BRINP1: variants seen among roughly 807,000 people sequenced by gnomAD.
BRINP1 encodes BMP/retinoic acid inducible neural specific 1, also known as BMP/retinoic acid-inducible neural-specific protein 1.
Under a neutral mutation model 72.9 loss-of-function variants are expected in BRINP1, and 17 were observed. That is an observed-to-expected ratio of 0.23 (90% CI 0.16 to 0.35). BRINP1 has a LOEUF of 0.35. BRINP1 is among the 10% of genes least tolerant of loss of function. The pLI is 1.00. For missense variants in BRINP1, 850 were observed against 1,001.6 expected, an observed-to-expected ratio of 0.85 and a Z score of 2.04; for synonymous variants, 418 against 378.5, an observed-to-expected ratio of 1.10 and a Z score of -1.21.
chr9:119,177,960 G>A (rs150019054), intron 7 of BRINP1, among the ~76,000 whole-genome samples: 127 of 152,280 alleles, frequency 8.3e-4, no homozygotes, highest in African/African-American at 2.9e-3. Context: ...GGGAGCACGA[G>A]GCTGAGGGAA....
Position 119,368,657 on chromosome 9 carries a change from C to T in BRINP1, c.-51+399G>A, listed in dbSNP as rs1050660797. 6.6e-6 allele frequency among the ~76,000 whole-genome samples: 1 copy of T among 152,032 alleles called. No individual in the cohort carries two copies. Among genetic ancestry groups the T allele is most frequent in the African/African-American group, 2.4e-5 (1 of 41,398 alleles). On this transcript the variant is annotated intron_variant, in intron 1 of 7. Coordinates refer to ENST00000265922, the MANE Select transcript of BRINP1 (RefSeq NM_014618.3). This position sits in a 1 kb window ranked among gnomAD's most constrained non-coding sequence, Gnocchi z 4.7. ...TACGTACAAACATGCACACACACAT[C>T]GCGCCGTAAGTAGGTTATAGGACCT... is the stretch of plus-strand genomic sequence containing the variant.
At chr9:119,168,984 A>G (rs1829363368) in intron 7 of BRINP1, among the ~76,000 whole-genome samples, 1 of 152,232 alleles carries the variant, frequency 6.6e-6, no homozygotes, top group Non-Finnish European at 1.5e-5. Flanking sequence ...ATTATTGGGT[A>G]TATACCCAAA....
At chr9:119,173,138 T>C (rs1217232877) in intron 7 of BRINP1, among the ~76,000 whole-genome samples, 13 of 146,764 alleles carry the variant, frequency 8.9e-5, no homozygotes, top group African/African-American at 2.6e-4. Context: ...CCAGGGCAAT[T>C]AGGCAGGAGA....
chr9:119,250,383 C>A (rs1429418267), intron 2 of BRINP1, among the ~76,000 whole-genome samples: 3 of 152,160 alleles, frequency 2.0e-5, no homozygotes, highest in Admixed American at 2.0e-4. Context: ...GAGGATCTCA[C>A]AACCAAACGA....
At chr9:119,292,797 T>C (rs1830834891) in intron 2 of BRINP1, among the ~76,000 whole-genome samples, 1 of 152,198 alleles carries the variant, frequency 6.6e-6, no homozygotes, top group South Asian at 2.1e-4. Flanking sequence ...TGAGGGTTTT[T>C]TGTTGCTGTT....
chr9:119,266,427 A>G (rs1212519441), intron 2 of BRINP1, among the ~76,000 whole-genome samples: 5 of 152,250 alleles, frequency 3.3e-5, no homozygotes, highest in Admixed American at 3.3e-4. Flanking sequence ...AAGTGACGTT[A>G]CGATTATTTA....
intron 2 of BRINP1, among the ~76,000 whole-genome samples, chr9:119,292,841 G>A (rs890117169): frequency 7.2e-5 from 11 of 152,130 alleles, no homozygotes; most frequent in East Asian, 3.9e-4. Flanking sequence ...ATTTTACAGC[G>A]GTGACTAGAT....
At chr9:119,239,768 C>T (rs1329329673) in intron 4 of BRINP1, among the ~76,000 whole-genome samples, 2 of 152,084 alleles carry the variant, frequency 1.3e-5, no homozygotes, top group Admixed American at 6.5e-5. Flanking sequence ...GGGTTTAGCA[C>T]TTCGGGTGCA....
At chr9:119,279,302 C>A (rs1173765499) in intron 2 of BRINP1, among the ~76,000 whole-genome samples, 2 of 152,232 alleles carry the variant, frequency 1.3e-5, no homozygotes, top group Non-Finnish European at 2.9e-5. Flanking sequence ...AACTTCCACT[C>A]CTTTAGAACT....
chr9:119,295,882 A>G (rs1257011787), intron 2 of BRINP1, among the ~76,000 whole-genome samples: 1 of 152,210 alleles, frequency 6.6e-6, no homozygotes, highest in Non-Finnish European at 1.5e-5. Context: ...ATATACAATA[A>G]TCAACTCAAA....
intron 5 of BRINP1, among the ~76,000 whole-genome samples, chr9:119,233,553 A>T (rs1248175231): frequency 5.3e-5 from 8 of 152,044 alleles, no homozygotes; most frequent in Non-Finnish European, 1.5e-5. Context: ...ACCACCTCCC[A>T]CTTTCCCATG....
At chr9:119,295,739 T>C (rs1830869844) in intron 2 of BRINP1, among the ~76,000 whole-genome samples, 1 of 152,132 alleles carries the variant, frequency 6.6e-6, no homozygotes, top group African/African-American at 2.4e-5. Context: ...AACCTGGGCA[T>C]GTATTGTCAA....
intron 7 of BRINP1, among the ~76,000 whole-genome samples, chr9:119,185,005 G>T (rs979747239): frequency 6.6e-6 from 1 of 152,080 alleles, no homozygotes; most frequent in Non-Finnish European, 1.5e-5. Context: ...TATCACTGTG[G>T]TCTACCAATC....
intron 1 of BRINP1, among the ~76,000 whole-genome samples, chr9:119,366,501 ACCGTGTGTGTGT>A (rs1831692279): frequency 1.2e-5 from 1 of 81,598 alleles, no homozygotes; most frequent in Non-Finnish European, 2.4e-5. Context: ...TCCCCCCACC[ACCGTGTGTGTGT>A]GTGTGTGTGT....
chr9:119,330,459 A>T (rs1831288828), intron 1 of BRINP1, among the ~76,000 whole-genome samples: 1 of 152,228 alleles, frequency 6.6e-6, no homozygotes, highest in East Asian at 1.9e-4. Context: ...TTGACAATTC[A>T]TCTCCAGTAT....
rs1397572396 is a variant in BRINP1 at position 119,168,083 on chromosome 9, C to T, written c.1287G>A (p.Val429=). The change falls in exon 8 of 8, where the codon GTG becomes GTA. Residue 429 remains valine, a synonymous_variant. Transcript: ENST00000265922. The stretch of plus-strand genomic sequence containing the variant: ...TGGCGCAGCTGTTGTTCCCGCCTAT[C>T]ACGCAGGGGATGGGGCGCTGGCACA... ...TTLCQRPIPC[V]IGGNNSCAMC... 5.6e-6 allele frequency: 9 copies of T among 1,610,454 alleles called. No homozygotes were observed. The highest frequency in any genetic ancestry group is 7.6e-6 in the Non-Finnish European group (9 of 1,177,872).
At chr9:119,314,118 C>A (rs1831100667) in intron 1 of BRINP1, among the ~76,000 whole-genome samples, 1 of 152,172 alleles carries the variant, frequency 6.6e-6, no homozygotes, top group South Asian at 2.1e-4. Flanking sequence ...GAAACATGGC[C>A]AGAGAATTTG....
intron 4 of BRINP1, among the ~76,000 whole-genome samples, chr9:119,239,121 AC>A (rs1283271442): frequency 6.6e-6 from 1 of 152,228 alleles, no homozygotes; most frequent in East Asian, 1.9e-4. Context: ...TTACCCTGGG[AC>A]CTAGGGAAGC....
intron 2 of BRINP1, among the ~76,000 whole-genome samples, chr9:119,258,305 C>T (rs1158099077): frequency 6.6e-6 from 1 of 152,094 alleles, no homozygotes; most frequent in African/African-American, 2.4e-5. Flanking sequence ...AATAGAAACA[C>T]AACAAGCACA....
Sources: gnomAD v4.1 joint callset for allele counts (sites outside exome capture counted in the v4.1 genomes callset) on GRCh38, gnomAD v4.1.1 for gene constraint, Gnocchi (gnomAD v3.1) non-coding constraint, MANE v1.5 for transcripts, NCBI Gene and HGNC (gene_info 2026-07-23, HGNC 2026-07-21) for gene names.